The following SYNPR variants were observed in gnomAD, a reference collection of about 807,000 sequenced individuals.
The protein encoded by SYNPR is synaptoporin.
A neutral mutation model predicts 32.9 loss-of-function variants in SYNPR; 23 were observed. The ratio of observed to expected loss-of-function variants is 0.70; its 90% CI spans 0.50 to 0.99. The LOEUF (loss-of-function observed/expected upper bound fraction) is 0.99, where lower values mean the gene tolerates loss of function less well. Ranked by LOEUF, SYNPR falls within the 50% of genes least tolerant of loss-of-function variation. The probability of loss-of-function intolerance (pLI) is 0.00; values close to 1 mark genes in which losing one functional copy is unlikely to be tolerated. For synonymous variants in SYNPR, 146 were observed against 135.9 expected, an observed-to-expected ratio of 1.07 and a Z score of -0.52; for missense variants, 318 against 349.3, an observed-to-expected ratio of 0.91 and a Z score of 0.71.
chr3:63,237,210 T>C (rs540750061), intron 1 of SYNPR, among the ~76,000 whole-genome samples: 2 of 152,288 alleles, frequency 1.3e-5, no homozygotes, highest in East Asian at 3.9e-4. Context: ...GTTCTTGTCT[T>C]ACAGGTCCCT....
intron 2 of SYNPR, among the ~76,000 whole-genome samples, chr3:63,428,863 G>T (rs537556269): frequency 6.6e-6 from 1 of 152,162 alleles, no homozygotes; most frequent in Non-Finnish European, 1.5e-5. Context: ...CACTTCTGCC[G>T]TATGCTGTTG....
At chr3:63,323,035 C>T (rs1316373450) in intron 2 of SYNPR, among the ~76,000 whole-genome samples, 1 of 151,998 alleles carries the variant, frequency 6.6e-6, no homozygotes, top group Admixed American at 6.6e-5. Flanking sequence ...AGACTTTAAG[C>T]TCCCAAGAGG....
intron 2 of SYNPR, among the ~76,000 whole-genome samples, chr3:63,395,611 G>A (rs1394638974): frequency 6.6e-6 from 1 of 152,188 alleles, no homozygotes; most frequent in Non-Finnish European, 1.5e-5. Flanking sequence ...AGGTCACACA[G>A]CTCACCTTAC....
intron 2 of SYNPR, among the ~76,000 whole-genome samples, chr3:63,419,904 A>G (rs2088585590): frequency 6.6e-6 from 1 of 152,234 alleles, no homozygotes; most frequent in African/African-American, 2.4e-5. Context: ...AAAGTAGTCT[A>G]TTTGGTGAAG....
rs186110736 is a variant in SYNPR, at chr3:63,253,371, G to A, written n.154+785G>A. ...GTCATATCCTCCAAAACAAACTCTT[G>A]AATGTTTTAAACAACTGTAGCATCA... On this transcript the variant is annotated intron_variant and non_coding_transcript_variant, in intron 2 of 4. Transcript: ENST00000478456. Among the ~76,000 whole-genome samples the A allele has an allele frequency of 2.0e-5, 3 of 152,202 alleles. No homozygotes were observed. The East Asian group carries it at 5.8e-4, about 29-fold the overall frequency.
chr3:63,337,221 G>C (rs561817032), intron 2 of SYNPR, among the ~76,000 whole-genome samples: 2 of 99,304 alleles, frequency 2.0e-5, no homozygotes, highest in South Asian at 7.9e-4. Context: ...GACAGAGTGA[G>C]ACTCTGTCTC....
At chr3:63,578,843 A>T (rs1204457876) in intron 4 of SYNPR, among the ~76,000 whole-genome samples, 1 of 152,100 alleles carries the variant, frequency 6.6e-6, no homozygotes, top group African/African-American at 2.4e-5. Flanking sequence ...CACCCAGCCA[A>T]TATGCTCAAC....
chr3:63,595,037 AG>A (rs948499527), intron 4 of SYNPR, among the ~76,000 whole-genome samples: 85 of 152,304 alleles, frequency 5.6e-4, no homozygotes, highest in African/African-American at 2.0e-3. Context: ...GATGTCGGAA[AG>A]AAAAACTGAG....
intron 2 of SYNPR, among the ~76,000 whole-genome samples, chr3:63,258,169 G>C (rs2086404498): frequency 6.6e-6 from 1 of 152,252 alleles, no homozygotes. Context: ...CAACAAGACA[G>C]AAAGTTAACA....
At chr3:63,394,023 A>G (rs1287259824) in intron 2 of SYNPR, among the ~76,000 whole-genome samples, 1 of 152,152 alleles carries the variant, frequency 6.6e-6, no homozygotes, top group Admixed American at 6.5e-5. Context: ...TATATTTCAA[A>G]TCTATTTTCC....
intron 4 of SYNPR, among the ~76,000 whole-genome samples, chr3:63,568,091 T>C (rs1264526315): frequency 7.2e-5 from 11 of 152,152 alleles, no homozygotes; most frequent in Admixed American, 7.2e-4. Flanking sequence ...AAAAAGAACT[T>C]AGAAAAAAGT....
At chr3:63,251,418 G>T (rs931086625) in intron 1 of SYNPR, among the ~76,000 whole-genome samples, 2 of 152,124 alleles carry the variant, frequency 1.3e-5, no homozygotes, top group African/African-American at 4.8e-5. Context: ...TGAATTCAGG[G>T]GTTCAAGAGT....
chr3:63,475,161 C>T (rs1700877350), intron 2 of SYNPR, among the ~76,000 whole-genome samples: 2 of 152,102 alleles, frequency 1.3e-5, no homozygotes, highest in African/African-American at 4.8e-5. Flanking sequence ...TTCTGTTCCA[C>T]CTAAATGCAT....
chr3:63,452,350 T>C (rs1385327134), intron 2 of SYNPR, among the ~76,000 whole-genome samples: 1 of 152,176 alleles, frequency 6.6e-6, no homozygotes, highest in Non-Finnish European at 1.5e-5. Flanking sequence ...AAATAAAAGC[T>C]AAGCCATCTT....
At chr3:63,414,607 A>G (rs574972101) in intron 2 of SYNPR, among the ~76,000 whole-genome samples, 1 of 152,346 alleles carries the variant, frequency 6.6e-6, no homozygotes, top group African/African-American at 2.4e-5. Context: ...ACAAAAAGAT[A>G]GGGAATTTTT....
At chr3:63,403,961 C>G (rs2088326035) in intron 2 of SYNPR, among the ~76,000 whole-genome samples, 2 of 152,186 alleles carry the variant, frequency 1.3e-5, no homozygotes, top group Non-Finnish European at 1.5e-5. Flanking sequence ...GATTTAATTT[C>G]ATATGACTGG....
chr3:63,579,280 G>T (rs1186286712), intron 4 of SYNPR, among the ~76,000 whole-genome samples: 2 of 152,052 alleles, frequency 1.3e-5, no homozygotes, highest in Non-Finnish European at 2.9e-5. Context: ...GGGGCTCCCT[G>T]CCTCCCCTTC....
At chr3:63,447,211 A>G (rs1332961947) in intron 2 of SYNPR, among the ~76,000 whole-genome samples, 1 of 152,204 alleles carries the variant, frequency 6.6e-6, no homozygotes, top group Non-Finnish European at 1.5e-5. Context: ...GTGTTCATCA[A>G]ATATAGACTA....
At chr3:63,317,733 G>A (rs2087058305) in intron 2 of SYNPR, among the ~76,000 whole-genome samples, 1 of 151,932 alleles carries the variant, frequency 6.6e-6, no homozygotes, top group Non-Finnish European at 1.5e-5. Context: ...ATATTCAACG[G>A]TAGTATTGAA....
Sources: allele counts gnomAD v4.1 joint callset (sites outside exome capture counted in the v4.1 genomes callset), GRCh38; gene constraint gnomAD v4.1.1; transcripts MANE v1.5; gene names NCBI Gene and HGNC (gene_info 2026-07-23, HGNC 2026-07-21).